HDX: variants seen among roughly 807,000 people sequenced by gnomAD.
HDX encodes chromosome X open reading frame 43.
In HDX, 19 loss-of-function variants were observed where a neutral mutation model predicts 45.2. The ratio of observed to expected loss-of-function variants is 0.42; its 90% CI spans 0.29 to 0.62. HDX has a LOEUF of 0.62. HDX is among the 20% of genes least tolerant of loss of function. The pLI is 0.20. For missense variants in HDX, 532 were observed against 493.9 expected (o/e 1.08, Z -0.73); for synonymous variants, 188 against 172.8 (o/e 1.09, Z -0.69).
At chrX:84,408,726 T>C (rs2038903418) in intron 5 of HDX, among the ~76,000 whole-genome samples, 1 of 109,988 alleles carries the variant, frequency 9.1e-6, no homozygotes, top group Non-Finnish European at 1.9e-5. Context: ...GTTTGTGTCA[T>C]CTCTGGTATC....
At chrX:84,386,609 A>G (rs1228035118) in intron 5 of HDX, among the ~76,000 whole-genome samples, 2 of 111,474 alleles carry the variant, frequency 1.8e-5, no homozygotes, top group Non-Finnish European at 3.8e-5. Flanking sequence ...GAATTTATCT[A>G]TTTCCTCTAG....
Position 84,416,610 on chromosome X carries a change from T to A in HDX, c.1305+23922A>T, listed in dbSNP as rs778322050. The stretch of plus-strand genomic sequence containing the variant: ...ATTATTTTCCTCACCATTGCATCCC[T>A]AGGATCATGGACAATGTGTGGCACG... On this transcript the variant is annotated intron_variant, in intron 5 of 10. Coordinates refer to ENST00000373177, the MANE Select transcript of HDX (RefSeq NM_001177479.2). 3.6e-5 allele frequency among the ~76,000 whole-genome samples: 4 copies of A among 111,409 alleles called. No homozygotes were observed. In the East Asian group the frequency reaches 1.1e-3, roughly 31 times the overall value.
chrX:84,443,937 A>T (rs1026209156), intron 4 of HDX, among the ~76,000 whole-genome samples: 1 of 111,856 alleles, frequency 8.9e-6, no homozygotes, highest in East Asian at 2.8e-4. Flanking sequence ...GGTAGCAAGA[A>T]CTATTGCTTG....
chrX:84,477,232 A>G (rs2040575488), intron 2 of HDX, among the ~76,000 whole-genome samples: 1 of 111,452 alleles, frequency 9.0e-6, no homozygotes, highest in African/African-American at 3.3e-5. Context: ...GGACAATGGT[A>G]TACTTCAAAT....
At chrX:84,431,848 C>A (rs1192275763) in intron 5 of HDX, among the ~76,000 whole-genome samples, 2 of 110,833 alleles carry the variant, frequency 1.8e-5, no homozygotes. Context: ...TAATTTGGTC[C>A]CATTTGTTAA....
At chrX:84,439,167 C>T (rs1038199619) in intron 5 of HDX, among the ~76,000 whole-genome samples, 5 of 111,340 alleles carry the variant, frequency 4.5e-5, no homozygotes, top group Non-Finnish European at 9.4e-5. Context: ...TGATGTTCAA[C>T]GTTTTTTTCA....
chrX:84,457,235 C>T (rs1245576404), intron 4 of HDX, among the ~76,000 whole-genome samples: 1 of 111,367 alleles, frequency 9.0e-6, no homozygotes, highest in African/African-American at 3.3e-5. Flanking sequence ...TTAACTTCTC[C>T]TACACAATTT....
intron 5 of HDX, among the ~76,000 whole-genome samples, chrX:84,374,947 GT>G (rs1473351813): frequency 9.5e-6 from 1 of 105,660 alleles, no homozygotes; most frequent in Non-Finnish European, 1.9e-5. Flanking sequence ...TACCATCAGA[GT>G]GAGCAGGCAA....
At chrX:84,333,870 T>C (rs374200992) in intron 8 of HDX, 28 bp from the exon 9 acceptor site, 11 of 607,343 alleles carry the variant, frequency 1.8e-5, no homozygotes, top group Non-Finnish European at 2.9e-5. Context: ...AAGTTACAAA[T>C]ATATATCACA....
Position 84,436,657 on chromosome X carries a change from C to A in HDX, c.1305+3875G>T. Reference sequence around the variant, plus strand: ...TTCAAATGTTTCTCTATTATTGATGCTCAGTGTTATTCCATTGTGGTCAGA... The same window carrying A: ...TTCAAATGTTTCTCTATTATTGATGATCAGTGTTATTCCATTGTGGTCAGA... On this transcript the variant is annotated intron_variant, in intron 5 of 10. Transcript: ENST00000373177. 3.6e-5 allele frequency among the ~76,000 whole-genome samples: 4 copies of A among 111,716 alleles called. No homozygotes were observed. The Middle Eastern group carries it at 0.018, about 512-fold the overall frequency.
intron 6 of HDX, among the ~76,000 whole-genome samples, chrX:84,358,816 C>G (rs889359561): frequency 3.6e-5 from 4 of 111,649 alleles, no homozygotes; most frequent in Non-Finnish European, 7.5e-5. Context: ...TCCACCTCAG[C>G]CTTCTGAGTG....
intron 5 of HDX, among the ~76,000 whole-genome samples, chrX:84,427,258 A>T (rs2148026604): frequency 9.0e-6 from 1 of 110,962 alleles, no homozygotes; most frequent in East Asian, 2.8e-4. Context: ...AGATTCAAAT[A>T]CCTGGGTTCT....
At position 84,473,177 on chromosome X, in the gene HDX, A is replaced by G. The variant is rs150374048; in HGVS notation, c.147+2074T>C. On this transcript the variant is annotated intron_variant, in intron 3 of 10. Coordinates refer to ENST00000373177, the MANE Select transcript of HDX (RefSeq NM_001177479.2). ...TTTCTTGTTTTTTTTACACCAGTAT[A>G]TTTATTTTTGCTTGATGTTTTAACT... 8.1e-3 allele frequency among the ~76,000 whole-genome samples: 875 copies of G among 107,445 alleles called. 6 individuals carry two copies. Among genetic ancestry groups the G allele is most frequent in the African/African-American group, 0.027 (808 of 29,531 alleles). 93.3% of individuals were successfully genotyped at this position (107,445 alleles called of 115,157 possible).
chrX:84,488,693 T>C (rs1226328439), intron 1 of HDX, among the ~76,000 whole-genome samples: 2 of 111,433 alleles, frequency 1.8e-5, no homozygotes, highest in Non-Finnish European at 3.8e-5. Flanking sequence ...AGCAATAAAA[T>C]TTTATTTTTC....
chrX:84,370,136 C>T (rs1239496164), intron 5 of HDX, among the ~76,000 whole-genome samples: 1 of 111,914 alleles, frequency 8.9e-6, no homozygotes, highest in Non-Finnish European at 1.9e-5. Context: ...TGAAAGAATT[C>T]CTCTTGCCTG....
At chrX:84,417,468 A>G (rs1275604079) in intron 5 of HDX, among the ~76,000 whole-genome samples, 2 of 112,065 alleles carry the variant, frequency 1.8e-5, no homozygotes, top group Non-Finnish European at 3.8e-5. Flanking sequence ...CAGTGCCAAG[A>G]AAGACTGTGA....
In HDX at chrX:84,344,266, A is replaced by G. The variant is rs151070967; in HGVS notation, c.1644T>C (p.Ser548=). 12 of 1,201,489 alleles carry G rather than the reference A, an allele frequency of 1.0e-5. No individual in the cohort carries two copies. In the African/African-American group the frequency reaches 1.8e-4, roughly 18 times the overall value. ...ATAAAGTACCTTGAGAGCTTCCTTCAGACAAACAGATGGATACTTCATCAT... is the reference window on the plus strand; with the variant it reads ...ATAAAGTACCTTGAGAGCTTCCTTCGGACAAACAGATGGATACTTCATCAT... ...DRNDEVSICL[S]EGSSQEEPNE... Residue 548 remains serine, a synonymous_variant, in exon 7 of 11, where the codon TCT becomes TCC. Transcript: ENST00000373177.
intron 4 of HDX, among the ~76,000 whole-genome samples, chrX:84,461,512 T>TA (rs763685063): frequency 0.011 from 1,129 of 105,308 alleles, 15 homozygotes; most frequent in African/African-American, 0.036. Flanking sequence ...ACTATATAAT[T>TA]AAAAAAAAAA....
intron 1 of HDX, among the ~76,000 whole-genome samples, chrX:84,496,901 A>T (rs1697277759): frequency 9.0e-6 from 1 of 110,865 alleles, no homozygotes; most frequent in Non-Finnish European, 1.9e-5. Flanking sequence ...ATATGGTTTG[A>T]CTCTGTGTCC....
Sources: allele counts gnomAD v4.1 joint callset (sites outside exome capture counted in the v4.1 genomes callset), GRCh38; gene constraint gnomAD v4.1.1; transcripts MANE v1.5; gene names NCBI Gene and HGNC (gene_info 2026-07-23, HGNC 2026-07-21).